SLMAP: variants seen among roughly 807,000 people sequenced by gnomAD.
SLMAP encodes the protein sarcolemma associated protein, also known as sarcolemmal membrane-associated protein.
SLMAP carries 44 observed loss-of-function variants against 128.8 expected under a neutral mutation model. That is an observed-to-expected ratio of 0.34 (90% confidence interval 0.27 to 0.44). The LOEUF is 0.44. Ranked by LOEUF, SLMAP falls within the 20% of genes least tolerant of loss-of-function variation. The pLI is 1.00. For missense variants in SLMAP, 787 were observed against 985.3 expected, an observed-to-expected ratio of 0.80 and a Z score of 2.69; for synonymous variants, 327 against 348.8, an observed-to-expected ratio of 0.94 and a Z score of 0.70.
At chr3:57,791,970 G>A (rs138237456) in intron 2 of SLMAP, among the ~76,000 whole-genome samples, 1 of 151,986 alleles carries the variant, frequency 6.6e-6, no homozygotes, top group South Asian at 2.1e-4. Flanking sequence ...TCTTTTTATT[G>A]TGTTCAAAGG....
intron 2 of SLMAP, among the ~76,000 whole-genome samples, chr3:57,767,491 C>A (rs138117873): frequency 1.3e-4 from 20 of 152,168 alleles, no homozygotes; most frequent in African/African-American, 4.8e-4. Flanking sequence ...TGAGAGCTTG[C>A]AGTTTGCAAA....
chr3:57,893,730 G>A (rs1257829883), intron 15 of SLMAP, among the ~76,000 whole-genome samples: 1 of 152,176 alleles, frequency 6.6e-6, no homozygotes, highest in Non-Finnish European at 1.5e-5. Flanking sequence ...CATATATGGA[G>A]ATTAGATGTA....
intron 2 of SLMAP, among the ~76,000 whole-genome samples, chr3:57,762,236 C>T (rs552646393): frequency 1.1e-3 from 167 of 151,342 alleles, no homozygotes; most frequent in African/African-American, 3.4e-3. Context: ...GGCATGGTGG[C>T]ATGTGCCTGC....
intron 13 of SLMAP, among the ~76,000 whole-genome samples, chr3:57,869,630 TTATATATATATATA>T (rs55916379): frequency 1.3e-4 from 10 of 75,464 alleles, no homozygotes; most frequent in East Asian, 1.6e-3. Context: ...CCCATCTCTA[TTATATATATATATA>T]TATATATATA....
At chr3:57,771,955 A>T (rs2080987269) in intron 2 of SLMAP, among the ~76,000 whole-genome samples, 1 of 152,248 alleles carries the variant, frequency 6.6e-6, no homozygotes, top group African/African-American at 2.4e-5. Context: ...AATTACAAGA[A>T]TCTAGTCAGT....
At chr3:57,771,284 G>A (rs1213162639) in intron 2 of SLMAP, among the ~76,000 whole-genome samples, 1 of 151,956 alleles carries the variant, frequency 6.6e-6, no homozygotes, top group Non-Finnish European at 1.5e-5. Context: ...GAGTGCAATG[G>A]TGGATCACAG....
intron 15 of SLMAP, chr3:57,896,093 C>A (rs951343009): frequency 3.1e-5 from 8 of 257,778 alleles, no homozygotes; most frequent in African/African-American, 1.4e-4. Flanking sequence ...GAGTACAAAT[C>A]TTACTAAAGC....
chr3:57,897,036 A>T (rs1397257863), intron 17 of SLMAP, 104 bp downstream of exon 17: 1 of 1,542,248 alleles, frequency 6.5e-7, no homozygotes, highest in Non-Finnish European at 8.7e-7. Flanking sequence ...TTTAGTTAAG[A>T]GATTAAGATA....
At chr3:57,783,742 G>C (rs2083510091) in intron 2 of SLMAP, among the ~76,000 whole-genome samples, 1 of 152,144 alleles carries the variant, frequency 6.6e-6, no homozygotes, top group South Asian at 2.1e-4. Flanking sequence ...GAAAATGGGA[G>C]AATGACTCTG....
At chr3:57,784,401 TC>T (rs2083664384) in intron 2 of SLMAP, among the ~76,000 whole-genome samples, 2 of 152,158 alleles carry the variant, frequency 1.3e-5, no homozygotes, top group African/African-American at 2.4e-5. Context: ...AGGAGATTCT[TC>T]TCCAGCTTTA....
At chr3:57,772,341 T>G (rs113397750) in intron 2 of SLMAP, among the ~76,000 whole-genome samples, 1,858 of 152,352 alleles carry the variant, frequency 0.012, 15 homozygotes, top group Non-Finnish European at 0.016. Flanking sequence ...CAGACATTGT[T>G]GATAGCTGAT....
intron 9 of SLMAP, among the ~76,000 whole-genome samples, chr3:57,861,157 G>C (rs2095040515): frequency 6.6e-6 from 1 of 152,098 alleles, no homozygotes. Flanking sequence ...ACTTGGTTTT[G>C]CTTTGCTTCT....
intron 14 of SLMAP, among the ~76,000 whole-genome samples, chr3:57,873,783 TG>T (rs2095539638): frequency 6.6e-6 from 1 of 152,136 alleles, no homozygotes; most frequent in Non-Finnish European, 1.5e-5. Context: ...AAGACCAGCT[TG>T]GGCAACATAG....
At position 57,922,975 on chromosome 3, in the gene SLMAP, C is replaced by T. The variant is rs1294344310; in HGVS notation, c.2397C>T (p.Leu799=). 6.2e-7 allele frequency: 1 copy of T among 1,613,744 alleles called. No individual in the cohort carries two copies. Among genetic ancestry groups the T allele is most frequent in the East Asian group, 2.2e-5 (1 of 44,850 alleles). Residue 799 remains leucine (L), a synonymous_variant, in exon 23 of 25, where the codon CTC becomes CTT. Transcript: ENST00000671191. ...EQEKQSITDE[L]KQCKNNLKLL... is the part of the protein sequence containing the mutation. ...AAAAGCAGTCAATCACAGATGAGCT[C>T]AAACAGTGTAAAAACAACCTGAAGC...
At chr3:57,816,983 A>C (rs1350586556) in intron 2 of SLMAP, among the ~76,000 whole-genome samples, 1 of 152,200 alleles carries the variant, frequency 6.6e-6, no homozygotes, top group Non-Finnish European at 1.5e-5. Context: ...TTTGAGAAAA[A>C]GAGGAAGATT....
chr3:57,837,490 TC>T (rs1219163742), intron 3 of SLMAP, among the ~76,000 whole-genome samples: 3 of 152,154 alleles, frequency 2.0e-5, no homozygotes, highest in African/African-American at 7.2e-5. Flanking sequence ...TGCCTCAGCC[TC>T]CCTAGTAGCT....
intron 8 of SLMAP, among the ~76,000 whole-genome samples, chr3:57,859,934 T>C (rs1254674311): frequency 1.3e-5 from 2 of 152,202 alleles, no homozygotes; most frequent in South Asian, 4.1e-4. Context: ...TCCCCTTATT[T>C]ATTAGATTTC....
At chr3:57,828,905 C>T (rs2093128759) in intron 2 of SLMAP, among the ~76,000 whole-genome samples, 1 of 152,042 alleles carries the variant, frequency 6.6e-6, no homozygotes, top group Non-Finnish European at 1.5e-5. Context: ...CTCAACCTCC[C>T]GAGTAGTTGG....
intron 6 of SLMAP, among the ~76,000 whole-genome samples, chr3:57,852,797 A>G (rs909611111): frequency 6.6e-6 from 1 of 151,738 alleles, no homozygotes; most frequent in Non-Finnish European, 1.5e-5. Context: ...TCACTCCCTC[A>G]CTCTCTCACT....
Sources: allele counts gnomAD v4.1 joint callset (sites outside exome capture counted in the v4.1 genomes callset), GRCh38; gene constraint gnomAD v4.1.1; transcripts MANE v1.5; gene names NCBI Gene and HGNC (gene_info 2026-07-23, HGNC 2026-07-21).